Variants in CHN2 observed in about 807,000 individuals in gnomAD.
CHN2 encodes beta-chimaerin.
CHN2 carries 35 observed loss-of-function variants against 56.3 expected under a neutral mutation model. The observed-to-expected ratio is 0.62, with a 90% CI of 0.47 to 0.82. The LOEUF is 0.82. Among genes scored for constraint, CHN2 ranks in the 40% least tolerant of loss-of-function variants. The pLI, the probability that CHN2 is intolerant of heterozygous loss-of-function variation, is 0.00. For synonymous variants in CHN2, 210 were observed against 212.8 expected (o/e 0.99, Z 0.12); for missense variants, 491 against 580.5 (o/e 0.85, Z 1.58).
chr7:29,351,107 CAAA>C (rs55787771), intron 1 of CHN2, among the ~76,000 whole-genome samples: 3 of 70,066 alleles, frequency 4.3e-5, no homozygotes, highest in South Asian at 6.1e-4. Context: ...GACTCCATCT[CAAA>C]AAAAAAAAAA....
At chr7:29,507,199 T>A (rs765524802) in intron 10 of CHN2, 29 bp from the exon 11 acceptor site, 1 of 1,586,186 alleles carries the variant, frequency 6.3e-7, no homozygotes, top group Non-Finnish European at 8.5e-7. Context: ...AGGTCCTAAT[T>A]AGGACTTGGA....
intron 8 of CHN2, among the ~76,000 whole-genome samples, 162 bp from the exon 9 acceptor site, chr7:29,499,705 T>C (rs1362536551): frequency 1.3e-5 from 2 of 152,230 alleles, no homozygotes; most frequent in Non-Finnish European, 2.9e-5. Flanking sequence ...TTAGAGATGA[T>C]ACTTGTATTT....
Position 29,367,979 on chromosome 7 carries a change from C to G in CHN2, c.136C>G (p.Pro46Ala). The G allele has an allele frequency of 6.2e-7, 1 of 1,610,392 alleles. No individual in the cohort carries two copies. Among genetic ancestry groups the G allele is most frequent in the Non-Finnish European group, 8.5e-7 (1 of 1,178,438 alleles). The change falls in exon 3 of 13, where the codon CCT becomes GCT. Residue 46 changes from proline (P) to alanine (A), a missense_variant. Physicochemically the swap from Pro to Ala is conservative, Grantham distance 27. Transcript: ENST00000222792. ...EAPRPKRIICPREVENRPKYY... is the reference protein window; with the variant it reads ...EAPRPKRIICAREVENRPKYY... ...ACCTCGTCCCAAGAGAATCATTTGT[C>G]CTCGGGAGGTCAGTGCTCAGCTATT...
intron 6 of CHN2, among the ~76,000 whole-genome samples, chr7:29,459,170 G>C (rs929193071): frequency 2.1e-4 from 32 of 152,244 alleles, no homozygotes; most frequent in African/African-American, 7.2e-4. Context: ...TCTCCCGCTC[G>C]GAAGGCTATG....
Position 29,364,531 on chromosome 7 carries a change from A to T in CHN2, c.89-3401A>T, listed in dbSNP as rs2128036903. Among the ~76,000 whole-genome samples the T allele has an allele frequency of 3.9e-5, 6 of 152,348 alleles. 1 individual carries two copies. In the South Asian group the frequency reaches 1.2e-3, roughly 32 times the overall value. Reference sequence around the variant, plus strand: ...TGTGATTTTAGGAGATGGCCATTGCATGCTCATTAACAGTAACATCCTGCT... The same window carrying T: ...TGTGATTTTAGGAGATGGCCATTGCTTGCTCATTAACAGTAACATCCTGCT... On this transcript the variant is annotated intron_variant, in intron 2 of 12. Coordinates refer to ENST00000222792, the MANE Select transcript of CHN2 (RefSeq NM_004067.4).
At chr7:29,328,012 C>T (rs1028046052) in intron 1 of CHN2, among the ~76,000 whole-genome samples, 1 of 152,126 alleles carries the variant, frequency 6.6e-6, no homozygotes, top group African/African-American at 2.4e-5. Flanking sequence ...ATTCTATAGA[C>T]GTTTTGAACA....
chr7:29,271,709 T>C (rs1214919880), intron 1 of CHN2, among the ~76,000 whole-genome samples: 1 of 152,240 alleles, frequency 6.6e-6, no homozygotes, highest in Admixed American at 6.5e-5. Context: ...TATTTAGGGC[T>C]TTCATTTTAC....
chr7:29,174,815 G>A (rs1381521392), intron 2 of CHN2, among the ~76,000 whole-genome samples: 2 of 149,830 alleles, frequency 1.3e-5, no homozygotes, highest in African/African-American at 4.9e-5. Context: ...AGCCAAGATT[G>A]TGCCATCGCA....
At chr7:29,451,428 G>T (rs1490368575) in intron 6 of CHN2, among the ~76,000 whole-genome samples, 4 of 151,918 alleles carry the variant, frequency 2.6e-5, no homozygotes, top group Non-Finnish European at 4.4e-5. Context: ...TGGCGAAATG[G>T]GTACAGAAGT....
At chr7:29,189,053 C>A (rs981579493) in intron 2 of CHN2, among the ~76,000 whole-genome samples, 1 of 150,968 alleles carries the variant, frequency 6.6e-6, no homozygotes. Flanking sequence ...TGGGTTCAAG[C>A]AATTCTCCTG....
At chr7:29,220,956 A>G (rs1015199126) in intron 1 of CHN2, among the ~76,000 whole-genome samples, 37 of 152,224 alleles carry the variant, frequency 2.4e-4, no homozygotes, top group African/African-American at 8.2e-4. Context: ...CCAGGAATCC[A>G]TGGTTGATTT....
chr7:29,256,008 G>A (rs899999250), intron 1 of CHN2, among the ~76,000 whole-genome samples: 3 of 152,208 alleles, frequency 2.0e-5, no homozygotes, highest in African/African-American at 7.2e-5. Flanking sequence ...TGGTATTTAA[G>A]TTCCTGACAG....
chr7:29,234,991 G>C (rs1787073278), intron 1 of CHN2, among the ~76,000 whole-genome samples: 1 of 152,166 alleles, frequency 6.6e-6, no homozygotes, highest in Admixed American at 6.5e-5. Flanking sequence ...AATTCATTTA[G>C]TAAGTATTGA....
In CHN2 at chr7:29,504,715, A is replaced by C. The variant is rs1312677039; in HGVS notation, c.914-29A>C. 2.8e-6 allele frequency: 4 copies of C among 1,452,858 alleles called. No individual in the cohort carries two copies. The African/African-American group carries it at 6.0e-5, about 22-fold the overall frequency. 90.0% of individuals were successfully genotyped at this position (1,452,858 alleles called of 1,614,324 possible). On this transcript the variant is annotated intron_variant, in intron 9 of 12. Transcript: ENST00000222792. ...TTTTTTTAGATGTTTCAAGAAGCTA[A>C]AGTCAGTCTCTCTCTCTCTCTCTAA...
At chr7:29,415,935 T>C (rs994011279) in intron 6 of CHN2, among the ~76,000 whole-genome samples, 7 of 152,244 alleles carry the variant, frequency 4.6e-5, no homozygotes, top group Non-Finnish European at 8.8e-5. Context: ...CTTAGACTTG[T>C]AAGTGTTGAA....
At chr7:29,200,413 T>TTTCCTTCCTTCCTTCTTTCC (rs1784061819) in intron 1 of CHN2, among the ~76,000 whole-genome samples, 1 of 136,060 alleles carries the variant, frequency 7.3e-6, no homozygotes, top group Non-Finnish European at 1.6e-5. Flanking sequence ...TCCTTCCTTC[T>TTTCCTTCCTTCCTTCTTTCC]TTCCTTCCTT....
chr7:29,444,655 CTT>C (rs1783907351), intron 6 of CHN2, among the ~76,000 whole-genome samples: 1 of 152,228 alleles, frequency 6.6e-6, no homozygotes, highest in South Asian at 2.1e-4. Flanking sequence ...TCTGCCATAT[CTT>C]TTTGGCTAAT....
chr7:29,156,852 C>G (rs1794446933), intron 2 of CHN2, among the ~76,000 whole-genome samples: 3 of 152,132 alleles, frequency 2.0e-5, no homozygotes, highest in Admixed American at 1.3e-4. Context: ...GGAGATCTAT[C>G]TAGCAAAATC....
Position 29,195,629 on chromosome 7 carries a change from A to AGAGAGAGAGAGAGTGTGT in CHN2, c.49+640_49+641insAGAGAGAGAGAGTGTGTG, listed in dbSNP as rs869037854. On this transcript the variant is annotated intron_variant, in intron 1 of 12. Coordinates refer to ENST00000222792, the MANE Select transcript of CHN2 (RefSeq NM_004067.4). ...GAGAGAGAGAGAGAGAGAGAGAGAG[A>AGAGAGAGAGAGAGTGTGT]GTGTGTGTGTGTGTGTGTGTGAGAG... Among the ~76,000 whole-genome samples the AGAGAGAGAGAGAGTGTGT allele has an allele frequency of 3.4e-3, 395 of 117,404 alleles. 1 individual carries two copies. The highest frequency in any genetic ancestry group is 4.2e-3 in the East Asian group (11 of 2,624). 77.0% of individuals were successfully genotyped at this position (117,404 alleles called of 152,430 possible). A position where few individuals can be genotyped will look rare whatever the true frequency, so the allele number is the denominator to read the frequency against.
Sources: allele counts gnomAD v4.1 joint callset (sites outside exome capture counted in the v4.1 genomes callset), GRCh38; gene constraint gnomAD v4.1.1; transcripts MANE v1.5; gene names NCBI Gene and HGNC (gene_info 2026-07-23, HGNC 2026-07-21).